FBN1: variants seen among roughly 807,000 people sequenced by gnomAD.
FBN1 encodes fibrillin-1.
In FBN1, 29 loss-of-function variants were observed where a neutral mutation model predicts 365.1. The ratio of observed to expected loss-of-function variants is 0.08; its 90% CI spans 0.06 to 0.11. The LOEUF (loss-of-function observed/expected upper bound fraction) is 0.11, where lower values mean the gene tolerates loss of function less well. Ranked by LOEUF, FBN1 falls within the 10% of genes least tolerant of loss-of-function variation. The probability of loss-of-function intolerance (pLI) is 1.00; values close to 1 mark genes in which losing one functional copy is unlikely to be tolerated. For missense variants in FBN1, 2,476 were observed against 3,703.2 expected (o/e 0.67, Z 8.60); for synonymous variants, 1,210 against 1,270.5 (o/e 0.95, Z 1.01).
chr15:48,420,223 A>T (rs1433726593), intron 63 of FBN1, among the ~76,000 whole-genome samples: 1 of 152,212 alleles, frequency 6.6e-6, no homozygotes, highest in Non-Finnish European at 1.5e-5. Context: ...AAAACACACA[A>T]AAAAACACAA....
At chr15:48,534,819 T>C (rs546768155) in intron 7 of FBN1, among the ~76,000 whole-genome samples, 1 of 152,180 alleles carries the variant, frequency 6.6e-6, no homozygotes, top group East Asian at 1.9e-4. Context: ...TGAGAGAGAT[T>C]GTTAGGTGAG....
intron 6 of FBN1, among the ~76,000 whole-genome samples, chr15:48,586,656 T>C (rs1015089878): frequency 2.6e-5 from 4 of 152,230 alleles, no homozygotes; most frequent in African/African-American, 9.6e-5. Flanking sequence ...TGTCTCATGC[T>C]GTGTTTAAAT....
At chr15:48,455,760 C>T (rs2043233585) in intron 44 of FBN1, among the ~76,000 whole-genome samples, 1 of 152,162 alleles carries the variant, frequency 6.6e-6, no homozygotes, top group African/African-American at 2.4e-5. Flanking sequence ...AGCCTGGTGA[C>T]AGGAACTTAA....
intron 11 of FBN1, among the ~76,000 whole-genome samples, 197 bp from the exon 12 acceptor site, chr15:48,515,724 C>T (rs2043795488): frequency 6.6e-6 from 1 of 152,202 alleles, no homozygotes; most frequent in Admixed American, 6.5e-5. Context: ...CTGGGGAGCT[C>T]ACAACCCAGC....
intron 40 of FBN1, among the ~76,000 whole-genome samples, chr15:48,464,724 G>A (rs2043307166): frequency 6.6e-6 from 1 of 152,120 alleles, no homozygotes; most frequent in Non-Finnish European, 1.5e-5. Context: ...ATCTATGATA[G>A]GGTATATAGT....
At chr15:48,600,774 C>T (rs533778424) in intron 4 of FBN1, among the ~76,000 whole-genome samples, 8 of 152,286 alleles carry the variant, frequency 5.3e-5, no homozygotes, top group Non-Finnish European at 1.2e-4. Flanking sequence ...TAAATGACTT[C>T]TTTAATTTAA....
chr15:48,437,939 C>A (rs1481362928), intron 50 of FBN1, 22 bp from the exon 51 acceptor site: 29 of 1,613,264 alleles, frequency 1.8e-5, no homozygotes, highest in Non-Finnish European at 2.4e-5. Flanking sequence ...ATTTATGACA[C>A]CCTTCAGTTG....
intron 2 of FBN1, among the ~76,000 whole-genome samples, chr15:48,625,588 A>C (rs941439355): frequency 2.0e-5 from 3 of 152,182 alleles, no homozygotes; most frequent in African/African-American, 7.2e-5. Flanking sequence ...TAAAACCTGG[A>C]GAGTTCTCAT....
chr15:48,618,365 A>G (rs1023174260), intron 2 of FBN1, among the ~76,000 whole-genome samples: 1 of 152,242 alleles, frequency 6.6e-6, no homozygotes, highest in Non-Finnish European at 1.5e-5. Context: ...AAGAAAAAAC[A>G]TCATGAGTAC....
intron 6 of FBN1, among the ~76,000 whole-genome samples, chr15:48,564,507 CTT>C (rs34674480): frequency 1.9e-4 from 28 of 147,838 alleles, no homozygotes; most frequent in East Asian, 9.8e-4. Context: ...TGATTCAGGA[CTT>C]TTTTTTTTTG....
At position 48,437,056 on chromosome 15, in the gene FBN1, G is replaced by A. The variant is rs1566896102; in HGVS notation, c.6401C>T (p.Pro2134Leu). The change falls in exon 53 of 66, where the codon CCC becomes CTC. Residue 2134 changes from proline to leucine, a missense_variant. This residue lies in a region of FBN1 where 1,780 missense variants were observed against 2,840.8 expected (regional missense o/e 0.63). Coordinates refer to ENST00000316623, the MANE Select transcript of FBN1 (RefSeq NM_000138.5). ...SAVDMDECKE[P>L]DVCKHGQCIN... ...GCACTGTCCATGTTTACAGACATCG[G>A]GTTCTTTGCATTCGTCCATATCTTA... 2 of 1,612,398 alleles carry A rather than the reference G, an allele frequency of 1.2e-6. No homozygotes were observed. Among genetic ancestry groups the A allele is most frequent in the Admixed American group, 1.7e-5 (1 of 59,928 alleles).
intron 40 of FBN1, among the ~76,000 whole-genome samples, chr15:48,465,113 C>G (rs2043310126): frequency 6.6e-6 from 1 of 152,128 alleles, no homozygotes. Context: ...CAAGGGCCAC[C>G]ACTCATAGCA....
At chr15:48,603,592 A>T (rs1436853496) in intron 4 of FBN1, among the ~76,000 whole-genome samples, 1 of 152,188 alleles carries the variant, frequency 6.6e-6, no homozygotes, top group South Asian at 2.1e-4. Flanking sequence ...TTTGAACAAG[A>T]ATTCTAGATG....
intron 4 of FBN1, among the ~76,000 whole-genome samples, chr15:48,605,510 G>T (rs2044600257): frequency 6.6e-6 from 1 of 152,116 alleles, no homozygotes; most frequent in Admixed American, 6.6e-5. Context: ...CTGATAAACA[G>T]CTAGTATTTA....
chr15:48,538,568 G>C (rs1196344054), intron 6 of FBN1, among the ~76,000 whole-genome samples: 1 of 151,722 alleles, frequency 6.6e-6, no homozygotes, highest in African/African-American at 2.4e-5. Flanking sequence ...TCTACCACCA[G>C]CTATAAGATC....
chr15:48,466,002 TAA>T (rs2043318741), intron 38 of FBN1, 144 bp from the exon 39 acceptor site: 2 of 703,110 alleles, frequency 2.8e-6, no homozygotes, highest in South Asian at 3.1e-5. Context: ...TGAAGTAAGT[TAA>T]CACCTTTGTG....
chr15:48,513,456 G>A, intron 13 of FBN1, 93 bp downstream of exon 13: 4 of 1,566,386 alleles, frequency 2.6e-6, no homozygotes, highest in Non-Finnish European at 3.5e-6. Flanking sequence ...GTCTCTTCCG[G>A]CATGGGTTAT....
intron 20 of FBN1, 134 bp from the exon 21 acceptor site, chr15:48,495,722 C>T (rs2043602091): frequency 8.9e-7 from 1 of 1,119,654 alleles, no homozygotes; most frequent in South Asian, 1.3e-5. Context: ...GTTTTTCCTA[C>T]ACTAGATGGA....
chr15:48,599,434 T>C (rs2044543383), intron 5 of FBN1, among the ~76,000 whole-genome samples: 1 of 152,140 alleles, frequency 6.6e-6, no homozygotes, highest in South Asian at 2.1e-4. Context: ...ATTACAAGTC[T>C]AGAAGATACT....
Sources: allele counts gnomAD v4.1 joint callset (sites outside exome capture counted in the v4.1 genomes callset), GRCh38; gene constraint gnomAD v4.1.1; regional missense constraint gnomAD v4.1.1; transcripts MANE v1.5; gene names NCBI Gene and HGNC (gene_info 2026-07-23, HGNC 2026-07-21).